The following ARHGEF3 variants were observed in gnomAD, a reference collection of about 807,000 sequenced individuals.
ARHGEF3 encodes the protein Rho guanine nucleotide exchange factor 3, also known as 59.8 kDA protein.
Under a neutral mutation model 63.2 loss-of-function variants are expected in ARHGEF3, and 28 were observed. That is an observed-to-expected ratio of 0.44 (90% CI 0.33 to 0.61). The LOEUF (loss-of-function observed/expected upper bound fraction) is 0.61, where lower values mean the gene tolerates loss of function less well. Ranked by LOEUF, ARHGEF3 falls within the 20% of genes least tolerant of loss-of-function variation. ARHGEF3 has a pLI of 0.03. For missense variants in ARHGEF3, 533 were observed against 659.3 expected, an observed-to-expected ratio of 0.81 and a Z score of 2.10; for synonymous variants, 266 against 254.2, an observed-to-expected ratio of 1.05 and a Z score of -0.44.
chr3:56,776,783 A>G (rs2036304068), intron 1 of ARHGEF3, among the ~76,000 whole-genome samples: 1 of 152,172 alleles, frequency 6.6e-6, no homozygotes, highest in Non-Finnish European at 1.5e-5. Flanking sequence ...GACGCTTCCT[A>G]GTCCAACAAC....
chr3:56,930,498 A>G (rs1369794320), intron 3 of ARHGEF3, among the ~76,000 whole-genome samples: 4 of 152,192 alleles, frequency 2.6e-5, no homozygotes, highest in Non-Finnish European at 5.9e-5. Context: ...CAACACACAC[A>G]GAGGCACAGA....
chr3:57,023,606 A>G (rs999303517), intron 2 of ARHGEF3, among the ~76,000 whole-genome samples: 1 of 152,190 alleles, frequency 6.6e-6, no homozygotes, highest in Non-Finnish European at 1.5e-5. Flanking sequence ...CCCAGCCCAG[A>G]GGACTCCCAG....
At chr3:57,033,712 A>C (rs889809791) in intron 2 of ARHGEF3, among the ~76,000 whole-genome samples, 1 of 152,114 alleles carries the variant, frequency 6.6e-6, no homozygotes, top group African/African-American at 2.4e-5. Context: ...TTTCATTTGT[A>C]TTTTTAACAA....
intron 2 of ARHGEF3, chr3:56,977,206 T>C (rs13080107): frequency 0.53 from 243,617 of 455,380 alleles, 66,624 homozygotes; most frequent in Middle Eastern, 0.59. Flanking sequence ...TTTTTCTGGC[T>C]GCCTAATCCA....
upstream of ARHGEF3, among the ~76,000 whole-genome samples, chr3:56,804,565 CATGTAA>C (rs1395025275): frequency 6.6e-6 from 1 of 152,214 alleles, no homozygotes. Context: ...TATTACCACA[CATGTAA>C]ATGAAGCTCC....
At chr3:57,047,489 C>T (rs961416630) in intron 1 of ARHGEF3, among the ~76,000 whole-genome samples, 1 of 152,190 alleles carries the variant, frequency 6.6e-6, no homozygotes, top group Admixed American at 6.5e-5. Flanking sequence ...AAGGACTGCT[C>T]TATGCCTCAG....
intron 3 of ARHGEF3, among the ~76,000 whole-genome samples, chr3:56,923,372 A>C (rs1184577327): frequency 6.6e-6 from 1 of 151,498 alleles, no homozygotes; most frequent in Non-Finnish European, 1.5e-5. Flanking sequence ...ACAGAAGAGG[A>C]AATTTTTTGG....
At chr3:56,769,147 A>G (rs9871950) in intron 2 of ARHGEF3, among the ~76,000 whole-genome samples, 30,240 of 152,228 alleles carry the variant, frequency 0.2, 4,611 homozygotes, top group African/African-American at 0.43. Context: ...GCAAGTCCAA[A>G]GAGAATGAGG....
chr3:56,933,792 C>T (rs967415520), intron 3 of ARHGEF3, among the ~76,000 whole-genome samples: 1 of 152,172 alleles, frequency 6.6e-6, no homozygotes, highest in Non-Finnish European at 1.5e-5. Flanking sequence ...TGGTCTGACT[C>T]TGTGTCCCCA....
chr3:56,820,612 G>A (rs551036862), intron 4 of ARHGEF3, among the ~76,000 whole-genome samples: 1 of 152,220 alleles, frequency 6.6e-6, no homozygotes, highest in East Asian at 1.9e-4. Context: ...AGACCAGCCT[G>A]GGCAACATAG....
intron 6 of ARHGEF3, among the ~76,000 whole-genome samples, chr3:56,745,721 G>A (rs1010032935): frequency 4.6e-5 from 7 of 152,060 alleles, no homozygotes; most frequent in Admixed American, 6.5e-5. Flanking sequence ...ACCCAGGCTG[G>A]TGTGCAATGG....
At chr3:56,993,601 C>G (rs557144457) in intron 2 of ARHGEF3, among the ~76,000 whole-genome samples, 1 of 152,006 alleles carries the variant, frequency 6.6e-6, no homozygotes, top group Non-Finnish European at 1.5e-5. Context: ...TCTCATACTC[C>G]TGGGCTCAAG....
At chr3:57,040,800 T>C (rs1488561545) in intron 1 of ARHGEF3, among the ~76,000 whole-genome samples, 2 of 152,094 alleles carry the variant, frequency 1.3e-5, no homozygotes, top group Non-Finnish European at 2.9e-5. Flanking sequence ...AGACCCCAGC[T>C]GACCTCCTCA....
chr3:57,061,353 A>G (rs767727528), intron 1 of ARHGEF3, among the ~76,000 whole-genome samples: 5 of 152,142 alleles, frequency 3.3e-5, no homozygotes, highest in Non-Finnish European at 7.3e-5. Flanking sequence ...GCAGGAGTAC[A>G]GTGGCACGAT....
chr3:57,016,703 C>T (rs1158609134), intron 2 of ARHGEF3, among the ~76,000 whole-genome samples: 1 of 152,152 alleles, frequency 6.6e-6, no homozygotes, highest in Non-Finnish European at 1.5e-5. Flanking sequence ...GCACAGTTGT[C>T]AATCCAAATG....
At chr3:56,886,403 C>A (rs1043674857) in intron 3 of ARHGEF3, among the ~76,000 whole-genome samples, 10 of 152,212 alleles carry the variant, frequency 6.6e-5, no homozygotes, top group African/African-American at 2.2e-4. Flanking sequence ...CAGAAAGGAC[C>A]TGGTGAAGAA....
chr3:57,054,938 C>T (rs1165424395), intron 1 of ARHGEF3, among the ~76,000 whole-genome samples: 6 of 151,894 alleles, frequency 4.0e-5, no homozygotes, highest in South Asian at 2.1e-4. Context: ...CGTGAGCCAT[C>T]GCACCCAGCA....
At chr3:57,036,300 G>T (rs1200749456) in intron 1 of ARHGEF3, among the ~76,000 whole-genome samples, 1 of 152,140 alleles carries the variant, frequency 6.6e-6, no homozygotes, top group African/African-American at 2.4e-5. Context: ...GTCACAAAAT[G>T]ACCACCTGGA....
chr3:56,806,711 C>T (rs1282190590), upstream of ARHGEF3, among the ~76,000 whole-genome samples: 1 of 152,206 alleles, frequency 6.6e-6, no homozygotes, highest in Non-Finnish European at 1.5e-5. Flanking sequence ...TGCAGACAAC[C>T]AGGCATGGCT....
Sources: gnomAD v4.1 joint callset for allele counts (sites outside exome capture counted in the v4.1 genomes callset) on GRCh38, gnomAD v4.1.1 for gene constraint, MANE v1.5 for transcripts, NCBI Gene and HGNC (gene_info 2026-07-23, HGNC 2026-07-21) for gene names.